Variants in GRWD1 observed in about 807,000 individuals in gnomAD.
GRWD1 encodes the protein glutamate-rich WD repeat-containing protein 1.
In GRWD1, 29 loss-of-function variants were observed where a neutral mutation model predicts 45.3. The ratio of observed to expected loss-of-function variants is 0.64; its 90% confidence interval spans 0.48 to 0.87. The LOEUF is 0.87. GRWD1 is among the 40% of genes least tolerant of loss of function. GRWD1 has a pLI of 0.00. For missense variants in GRWD1, 592 were observed against 618.8 expected (o/e 0.96, Z 0.46); for synonymous variants, 262 against 257.6 (o/e 1.02, Z -0.16).
chr19:48,453,320 T>C lies in GRWD1; in HGVS notation c.*295T>C. 1 of 324,418 alleles carries C rather than the reference T, an allele frequency of 3.1e-6. No homozygotes were observed. Among genetic ancestry groups the C allele is most frequent in the Non-Finnish European group, 5.6e-6 (1 of 177,044 alleles). 20.1% of individuals were successfully genotyped at this position (324,418 alleles called of 1,614,324 possible). ...CCTGTCAGCTGTGACCCATTTGACC[T>C]GTGTCCCCAGAACCCAGTTTTTTGT... is the stretch of plus-strand genomic sequence containing the variant. On this transcript the variant is annotated 3_prime_UTR_variant, in exon 7 of 7. Transcript: ENST00000253237.
rs1971461668 is a variant in GRWD1 at position 48,450,612 on chromosome 19, G to A, written c.683-54G>A. On this transcript the variant is annotated intron_variant, in intron 4 of 6. Coordinates refer to ENST00000253237, the MANE Select transcript of GRWD1 (RefSeq NM_031485.4). The surrounding 1 kb of genome is among the most constrained non-coding windows in gnomAD (Gnocchi z 5.1). The stretch of plus-strand genomic sequence containing the variant: ...GGCCGGGCGCTTAGACTCCAAGGAG[G>A]GGAGCGAGCTGCGGCCAGGTGGGGC... 2.5e-6 allele frequency: 4 copies of A among 1,610,062 alleles called. No homozygotes were observed. Among genetic ancestry groups the A allele is most frequent in the Non-Finnish European group, 2.5e-6 (3 of 1,177,690 alleles).
rs1353737234 is a variant in GRWD1 at position 48,452,097 on chromosome 19, T to C, written c.1024-611T>C. Among the ~76,000 whole-genome samples the C allele has an allele frequency of 6.2e-4, 94 of 150,870 alleles. 1 individual carries two copies. Among genetic ancestry groups the C allele is most frequent in the African/African-American group, 2.2e-3 (89 of 41,002 alleles). On this transcript the variant is annotated intron_variant, in intron 6 of 6. Coordinates refer to ENST00000253237, the MANE Select transcript of GRWD1 (RefSeq NM_031485.4). This position sits in a 1 kb window ranked among gnomAD's most constrained non-coding sequence, Gnocchi z 5.1. Reference sequence around the variant, plus strand: ...CATGCCCTCCTTTTTTTCTTTTTTTTTTTTTTTTTCTTTTTTTTTGCGATG... The same window carrying C: ...CATGCCCTCCTTTTTTTCTTTTTTTCTTTTTTTTTCTTTTTTTTTGCGATG...
chr19:48,450,624 C>T lies in GRWD1; in HGVS notation c.683-42C>T, dbSNP rs749609929. 1.2e-5 allele frequency: 19 copies of T among 1,609,826 alleles called. No homozygotes were observed. The highest frequency in any genetic ancestry group is 1.6e-5 in the Non-Finnish European group (19 of 1,177,538). ...AGACTCCAAGGAGGGGAGCGAGCTG[C>T]GGCCAGGTGGGGCGAGGTCATTTCC... On this transcript the variant is annotated intron_variant, in intron 4 of 6. Transcript: ENST00000253237. The surrounding 1 kb of genome is among the most constrained non-coding windows in gnomAD (Gnocchi z 5.1).
Position 48,450,163 on chromosome 19 carries a change from C to T in GRWD1, c.469-150C>T, listed in dbSNP as rs1022791051. 2.0e-4 allele frequency: 129 copies of T among 653,646 alleles called. 1 individual carries two copies. The highest frequency in any genetic ancestry group is 1.7e-3 in the South Asian group (93 of 54,670). 40.5% of individuals were successfully genotyped at this position (653,646 alleles called of 1,614,324 possible). On this transcript the variant is annotated intron_variant, in intron 3 of 6. Transcript: ENST00000253237. The surrounding 1 kb of genome is among the most constrained non-coding windows in gnomAD (Gnocchi z 5.1). Reference sequence around the variant, plus strand: ...TTTTTGCAGGTTGTGATTTTCTTCCCACAGAGGTTTCAAGGAGCTGTAGTC... The same window carrying T: ...TTTTTGCAGGTTGTGATTTTCTTCCTACAGAGGTTTCAAGGAGCTGTAGTC...
Position 48,452,001 on chromosome 19 carries a change from G to A in GRWD1, c.1024-707G>A, listed in dbSNP as rs996688405. 6.6e-6 allele frequency among the ~76,000 whole-genome samples: 1 copy of A among 152,162 alleles called. No individual in the cohort carries two copies. Among genetic ancestry groups the A allele is most frequent in the African/African-American group, 2.4e-5 (1 of 41,422 alleles). On this transcript the variant is annotated intron_variant, in intron 6 of 6. Coordinates refer to ENST00000253237, the MANE Select transcript of GRWD1 (RefSeq NM_031485.4). The surrounding 1 kb of genome is among the most constrained non-coding windows in gnomAD (Gnocchi z 5.1). ...GTCATTCTTAGTCTTTCTTTGGGTC[G>A]GCTTCCGGGGATTGTGTTTCTGCCT...
At chr19:48,446,894 C>T in intron 3 of GRWD1, 51 bp downstream of exon 3, 1 of 1,506,396 alleles carries the variant, frequency 6.6e-7, no homozygotes, top group Non-Finnish European at 9.0e-7. Flanking sequence ...CACATCTGAC[C>T]CATCCCCTGT....
chr19:48,446,862 G>A lies in GRWD1; in HGVS notation c.468+19G>A, dbSNP rs1569077634. ...AGTTCGGGTAAGTATGGTCCCAGGA[G>A]CCTGCTCTGCATACTCTGAAACACA... On this transcript the variant is annotated intron_variant, in intron 3 of 6. Transcript: ENST00000253237. 6 of 1,608,100 alleles carry A rather than the reference G, an allele frequency of 3.7e-6. No homozygotes were observed. In the South Asian group the frequency reaches 4.4e-5, roughly 12 times the overall value.
At chr19:48,449,428 G>A (rs1342650992) in intron 3 of GRWD1, among the ~76,000 whole-genome samples, 2 of 152,172 alleles carry the variant, frequency 1.3e-5, no homozygotes, top group Non-Finnish European at 2.9e-5. Flanking sequence ...CAGCATAGGT[G>A]CTGGGCATGA....
Position 48,450,629 on chromosome 19 carries a change from A to T in GRWD1, c.683-37A>T. On this transcript the variant is annotated intron_variant, in intron 4 of 6. Transcript: ENST00000253237. The surrounding 1 kb of genome is among the most constrained non-coding windows in gnomAD (Gnocchi z 5.1). ...CCAAGGAGGGGAGCGAGCTGCGGCC[A>T]GGTGGGGCGAGGTCATTTCCTGACT... 1.2e-6 allele frequency: 2 copies of T among 1,610,434 alleles called. No individual in the cohort carries two copies. Among genetic ancestry groups the T allele is most frequent in the Non-Finnish European group, 1.7e-6 (2 of 1,177,738 alleles).
In GRWD1 at chr19:48,456,991, CTT is replaced by C. The variant is rs58951400; in HGVS notation, c.*3981_*3982del. On this transcript the variant is annotated 3_prime_UTR_variant, in exon 7 of 7. Coordinates refer to ENST00000253237, the MANE Select transcript of GRWD1 (RefSeq NM_031485.4). ...AGGTGTGAGCCACCGCACCTGCCCT[CTT>C]TTTTTTTTTTTTTTCTTTAAGAGAT... 3.5e-4 allele frequency: 49 copies of C among 140,288 alleles called. No individual in the cohort carries two copies. Among genetic ancestry groups the C allele is most frequent in the African/African-American group, 1.0e-3 (38 of 37,794 alleles). The allele number at this position is 140,288 out of a possible 1,614,324, so 8.7% of individuals were successfully genotyped here.
Position 48,453,474 on chromosome 19 carries a change from A to G in GRWD1, c.*449A>G, listed in dbSNP as rs890599093. On this transcript the variant is annotated 3_prime_UTR_variant, in exon 7 of 7. Transcript: ENST00000253237. ...CAGCTCAGTCTCCCAGGTAGCTGGG[A>G]TTACAGGCATGTGCCACCACACCCC... The G allele has an allele frequency of 6.4e-6, 1 of 155,304 alleles. No homozygotes were observed. Among genetic ancestry groups the G allele is most frequent in the African/African-American group, 2.4e-5 (1 of 41,534 alleles). 9.6% of individuals were successfully genotyped at this position (155,304 alleles called of 1,614,324 possible).
At chr19:48,446,894 C>A in intron 3 of GRWD1, 51 bp downstream of exon 3, 1 of 1,506,380 alleles carries the variant, frequency 6.6e-7, no homozygotes, top group Non-Finnish European at 9.0e-7. Flanking sequence ...CACATCTGAC[C>A]CATCCCCTGT....
intron 3 of GRWD1, 91 bp downstream of exon 3, chr19:48,446,934 CTTT>C (rs752488198): frequency 0.014 from 8,098 of 595,290 alleles, 125 homozygotes; most frequent in South Asian, 0.018. Context: ...TCCTCATGTT[CTTT>C]TTTTTTTTTT....
chr19:48,450,476 C>T lies in GRWD1; in HGVS notation c.632C>T (p.Ala211Val), dbSNP rs777640423. 4 of 1,614,212 alleles carry T rather than the reference C, an allele frequency of 2.5e-6. No homozygotes were observed. Among genetic ancestry groups the T allele is most frequent in the Non-Finnish European group, 3.4e-6 (4 of 1,180,044 alleles). The stretch of plus-strand genomic sequence containing the variant: ...CAAATGAAGCCCATCTTCTCCTTCG[C>T]TGGACACATGGGCGAGGGCTTTGCC... ...QAQMKPIFSF[A>V]GHMGEGFALD... The change falls in exon 4 of 7, where the codon GCT becomes GTT. Residue 211 changes from alanine to valine, a missense_variant. By Grantham distance (64) the Ala-to-Val change is moderately conservative (BLOSUM62 0). Transcript: ENST00000253237. This position sits in a 1 kb window ranked among gnomAD's most constrained non-coding sequence, Gnocchi z 5.1.
chr19:48,446,329 G>T, intron 1 of GRWD1, 56 bp from the exon 2 acceptor site: 2 of 1,571,040 alleles, frequency 1.3e-6, no homozygotes, highest in Non-Finnish European at 8.8e-7. Context: ...GAGGGAGGTG[G>T]GGACTGAGCT....
chr19:48,455,686 G>A lies in GRWD1; in HGVS notation c.*2661G>A, dbSNP rs2147489527. ...GGGTCTGCCTCACGGGGCTGAGGTG[G>A]GACTGGAGGATTTCGAGGGCAGAAC... On this transcript the variant is annotated 3_prime_UTR_variant, in exon 7 of 7. Transcript: ENST00000253237. The A allele has an allele frequency of 6.6e-6, 1 of 152,398 alleles. No individual in the cohort carries two copies. Among genetic ancestry groups the A allele is most frequent in the Non-Finnish European group, 1.5e-5 (1 of 68,124 alleles). The allele number at this position is 152,398 out of a possible 1,614,324, so 9.4% of individuals were successfully genotyped here.
chr19:48,447,731 T>G (rs555212480), intron 3 of GRWD1, among the ~76,000 whole-genome samples: 6 of 152,332 alleles, frequency 3.9e-5, no homozygotes, highest in East Asian at 3.9e-4. Context: ...ACAATTTAGC[T>G]ATTATGATCA....
At position 48,446,386 on chromosome 19, in the gene GRWD1, C is replaced by T. The variant is rs1038438991; in HGVS notation, c.189C>T (p.Gly63=). 6.2e-7 allele frequency: 1 copy of T among 1,613,854 alleles called. No individual in the cohort carries two copies. Among genetic ancestry groups the T allele is most frequent in the Admixed American group, 1.7e-5 (1 of 60,024 alleles). ...AYVLYHRAQT[G]APCLSFDIVR... is the part of the protein sequence containing the mutation. ...GTAAACCCCGCCTTCCATCCCCAGG[C>T]GCCCCCTGTCTCAGCTTTGACATAG... is the stretch of plus-strand genomic sequence containing the variant. The change falls in exon 2 of 7, where the codon GGC becomes GGT. Residue 63 remains glycine (G), a splice_region_variant and synonymous_variant. Transcript: ENST00000253237.
Position 48,446,028 on chromosome 19 carries a change from G to C in GRWD1, c.23G>C (p.Arg8Pro). The change falls in exon 1 of 7, where the codon CGG becomes CCG. Residue 8 changes from arginine to proline, a missense_variant. By Grantham distance (103) the Arg-to-Pro change is moderately radical. Coordinates refer to ENST00000253237, the MANE Select transcript of GRWD1 (RefSeq NM_031485.4). MAARKGR[R>P]RTCETGEPME... is the part of the protein sequence containing the mutation. Reference sequence around the variant, plus strand: ...AAGATGGCGGCGCGCAAGGGTCGGCGGCGCACGTGTGAAACCGGGGAACCC... The same window carrying C: ...AAGATGGCGGCGCGCAAGGGTCGGCCGCGCACGTGTGAAACCGGGGAACCC... The C allele has an allele frequency of 1.3e-6, 2 of 1,592,906 alleles. No individual in the cohort carries two copies. Among genetic ancestry groups the C allele is most frequent in the African/African-American group, 1.3e-5 (1 of 74,736 alleles).
Sources: gnomAD v4.1 joint callset for allele counts (sites outside exome capture counted in the v4.1 genomes callset) on GRCh38, gnomAD v4.1.1 for gene constraint, Gnocchi (gnomAD v3.1) non-coding constraint, MANE v1.5 for transcripts, NCBI Gene and HGNC (gene_info 2026-07-23, HGNC 2026-07-21) for gene names.